Variants in RBFOX1 observed in about 807,000 individuals in gnomAD.
The protein encoded by RBFOX1 is RNA binding fox-1 homolog 1.
In RBFOX1, 8 loss-of-function variants were observed where a neutral mutation model predicts 57.7. The observed-to-expected ratio is 0.14, with a 90% CI of 0.08 to 0.25. The LOEUF (loss-of-function observed/expected upper bound fraction) is 0.25. RBFOX1 is among the 10% of genes least tolerant of loss of function. RBFOX1 has a pLI of 1.00. For missense variants in RBFOX1, 611 were observed against 548.5 expected (o/e 1.11, Z -1.14); for synonymous variants, 326 against 222.4 (o/e 1.47, Z -4.15).
At chr16:6,299,034 T>C (rs2078474778) in intron 1 of RBFOX1, among the ~76,000 whole-genome samples, 1 of 152,228 alleles carries the variant, frequency 6.6e-6, no homozygotes, top group Non-Finnish European at 1.5e-5. Context: ...TTGTCTCTGA[T>C]ACTTCATCTC....
At chr16:7,176,008 C>T (rs186285722) in intron 4 of RBFOX1, among the ~76,000 whole-genome samples, 5 of 151,982 alleles carry the variant, frequency 3.3e-5, no homozygotes, top group African/African-American at 1.2e-4. Flanking sequence ...AGCAGCCATC[C>T]GATGTGAGTG....
chr16:7,558,421 G>C, intron 5 of RBFOX1, among the ~76,000 whole-genome samples: 2 of 151,814 alleles, frequency 1.3e-5, no homozygotes, highest in South Asian at 4.2e-4. Context: ...TGCTATATAT[G>C]TATAATTATA....
intron 4 of RBFOX1, among the ~76,000 whole-genome samples, chr16:7,119,013 C>A (rs1427565398): frequency 1.3e-5 from 2 of 152,056 alleles, no homozygotes; most frequent in Non-Finnish European, 2.9e-5. Context: ...CCAGAGGACA[C>A]TCATGGGGAG....
intron 2 of RBFOX1, among the ~76,000 whole-genome samples, chr16:6,497,299 G>C (rs893971911): frequency 3.9e-5 from 6 of 152,158 alleles, no homozygotes; most frequent in African/African-American, 1.2e-4. Context: ...TAGCTGGGAT[G>C]TGTGGGTCAA....
intron 3 of RBFOX1, among the ~76,000 whole-genome samples, chr16:5,663,000 C>T (rs2049708113): frequency 6.6e-6 from 1 of 152,092 alleles, no homozygotes; most frequent in Non-Finnish European, 1.5e-5. Flanking sequence ...GGCAGGAGAG[C>T]AATTTTGCCT....
intron 3 of RBFOX1, among the ~76,000 whole-genome samples, chr16:7,020,505 C>A (rs1303547251): frequency 1.3e-5 from 2 of 152,112 alleles, no homozygotes; most frequent in Non-Finnish European, 2.9e-5. Context: ...AGGCGTCAGC[C>A]ACCGCGCCCA....
rs148062849 is a variant in RBFOX1 at position 5,914,888 on chromosome 16, C to G, written c.351+47553C>G. Among the ~76,000 whole-genome samples the G allele has an allele frequency of 1.0e-3, 156 of 152,118 alleles. 1 individual carries two copies. The highest frequency in any genetic ancestry group is 3.4e-3 in the African/African-American group (142 of 41,508). Reference sequence around the variant, plus strand: ...CCAGCCTAGGCGACAGAGTGATACTCTGTCTCAAAAACAAAACAAAACAAA... The same window carrying G: ...CCAGCCTAGGCGACAGAGTGATACTGTGTCTCAAAAACAAAACAAAACAAA... On this transcript the variant is annotated intron_variant, in intron 4 of 19. Coordinates refer to the RBFOX1 transcript ENST00000641259.
chr16:6,341,477 A>G (rs1232806015), intron 2 of RBFOX1, among the ~76,000 whole-genome samples: 1 of 152,180 alleles, frequency 6.6e-6, no homozygotes, highest in African/African-American at 2.4e-5. Flanking sequence ...CAGATTAATA[A>G]TGTTTACTAA....
At chr16:5,978,032 C>T (rs1359629157) in intron 4 of RBFOX1, among the ~76,000 whole-genome samples, 1 of 148,608 alleles carries the variant, frequency 6.7e-6, no homozygotes, top group East Asian at 2.1e-4. Flanking sequence ...ACCGCGCCCC[C>T]AGTTTTGTAA....
At chr16:7,252,651 G>T (rs1486204153) in intron 4 of RBFOX1, among the ~76,000 whole-genome samples, 3 of 151,416 alleles carry the variant, frequency 2.0e-5, no homozygotes, top group Non-Finnish European at 4.4e-5. Context: ...TTTACTCATT[G>T]GTGTCAGCTA....
At chr16:6,981,581 G>C (rs1486921887) in intron 3 of RBFOX1, among the ~76,000 whole-genome samples, 2 of 152,274 alleles carry the variant, frequency 1.3e-5, no homozygotes, top group East Asian at 3.9e-4. Flanking sequence ...AGTTCCACGT[G>C]GCTGGGGAGG....
At chr16:6,078,640 A>G (rs941464782) in intron 1 of RBFOX1, among the ~76,000 whole-genome samples, 1 of 151,208 alleles carries the variant, frequency 6.6e-6, no homozygotes, top group African/African-American at 2.4e-5. Flanking sequence ...TACCTCTCTC[A>G]TAAGATTGCT....
At chr16:6,577,119 A>G (rs1250509608) in intron 2 of RBFOX1, 1 of 152,152 alleles carries the variant, frequency 6.6e-6, no homozygotes, top group African/African-American at 2.4e-5. Context: ...CTGACATTGG[A>G]TGCTACATGT....
chr16:6,612,894 A>G (rs2098085327), intron 2 of RBFOX1, among the ~76,000 whole-genome samples: 1 of 150,184 alleles, frequency 6.7e-6, no homozygotes, highest in South Asian at 2.1e-4. Flanking sequence ...TTTGTTCCAG[A>G]GGGCTGTTTC....
At chr16:6,681,514 C>G (rs549707236) in intron 3 of RBFOX1, among the ~76,000 whole-genome samples, 130 of 83,988 alleles carry the variant, frequency 1.5e-3, no homozygotes, top group African/African-American at 3.4e-3. Flanking sequence ...TTGTCCTTGT[C>G]TCCAGAAGAG....
chr16:5,406,538 A>G (rs1381493057), intron 1 of RBFOX1, among the ~76,000 whole-genome samples: 1 of 151,942 alleles, frequency 6.6e-6, no homozygotes, highest in Non-Finnish European at 1.5e-5. Flanking sequence ...ATACCTTATA[A>G]TAAATCTCTC....
intron 3 of RBFOX1, among the ~76,000 whole-genome samples, chr16:5,606,187 C>G (rs1328921089): frequency 1.3e-5 from 2 of 152,156 alleles, no homozygotes; most frequent in South Asian, 2.1e-4. Context: ...TGATTTCATA[C>G]TTGGCATTGG....
intron 2 of RBFOX1, among the ~76,000 whole-genome samples, chr16:6,516,510 G>C (rs527244156): frequency 9.2e-5 from 14 of 152,158 alleles, no homozygotes; most frequent in Non-Finnish European, 1.9e-4. Flanking sequence ...CTTTGTTTCA[G>C]AGGAAAAACT....
chr16:7,555,846 T>G (rs1307361075), intron 5 of RBFOX1, among the ~76,000 whole-genome samples: 2 of 152,166 alleles, frequency 1.3e-5, no homozygotes, highest in Non-Finnish European at 2.9e-5. Flanking sequence ...TCCTGCTCAG[T>G]ATTTATCTCA....
Sources: allele counts gnomAD v4.1 joint callset (sites outside exome capture counted in the v4.1 genomes callset), GRCh38; gene constraint gnomAD v4.1.1; transcripts MANE v1.5; gene names NCBI Gene and HGNC (gene_info 2026-07-23, HGNC 2026-07-21).